Variants in RIBC2 observed in about 807,000 individuals in gnomAD.
RIBC2 encodes the protein RIB43A-like with coiled-coils protein 2.
A neutral mutation model predicts 44.3 loss-of-function variants in RIBC2; 40 were observed. The observed-to-expected ratio is 0.90, with a 90% CI of 0.70 to 1.18. The LOEUF is 1.18. Ranked by LOEUF, RIBC2 falls within the 50% of genes most tolerant of loss-of-function variation. The pLI, the probability that RIBC2 is intolerant of heterozygous loss-of-function variation, is 0.00. For missense variants in RIBC2, 459 were observed against 485.5 expected (o/e 0.95, Z 0.51); for synonymous variants, 171 against 175.0 (o/e 0.98, Z 0.18).
At chr22:45,426,713 A>T (rs916825751) in intron 5 of RIBC2, among the ~76,000 whole-genome samples, 1 of 152,092 alleles carries the variant, frequency 6.6e-6, no homozygotes, top group Admixed American at 6.6e-5. Context: ...GTTGAACAGG[A>T]TCCCCAGCGT....
chr22:45,426,062 G>A lies in RIBC2; in HGVS notation c.790G>A (p.Ala264Thr). The stretch of plus-strand genomic sequence containing the variant: ...CCTGCTCTCCGAGAACCCGCAGCAG[G>A]CAGCCAGCTCCTTCGGGCCCCACCG... ...GDLLSENPQQAASSFGPHRVV... is the reference protein window; with the variant it reads ...GDLLSENPQQTASSFGPHRVV... The change falls in exon 5 of 7, where the codon GCA becomes ACA. Residue 264 changes from alanine (A) to threonine (T), a missense_variant. Coordinates refer to ENST00000614167, the MANE Select transcript of RIBC2 (RefSeq NM_015653.5). The A allele has an allele frequency of 6.2e-7, 1 of 1,614,038 alleles. No individual in the cohort carries two copies. Among genetic ancestry groups the A allele is most frequent in the Non-Finnish European group, 8.5e-7 (1 of 1,180,014 alleles).
chr22:45,419,510 G>C (rs921259574), intron 3 of RIBC2, among the ~76,000 whole-genome samples: 1 of 152,078 alleles, frequency 6.6e-6, no homozygotes, highest in Non-Finnish European at 1.5e-5. Flanking sequence ...GAGGAGGAAA[G>C]ATCACTTGAA....
chr22:45,430,886 T>C lies in RIBC2; in HGVS notation c.904-14T>C, dbSNP rs1307989241. The C allele has an allele frequency of 1.5e-5, 23 of 1,560,828 alleles. No homozygotes were observed. Among genetic ancestry groups the C allele is most frequent in the East Asian group, 2.3e-5 (1 of 43,368 alleles). On this transcript the variant is annotated splice_polypyrimidine_tract_variant and intron_variant, in intron 5 of 6. Transcript: ENST00000614167. ...TGGGGAAAGGTGGTGGTGAGCCGCCTCTTTTCCTTCCAGAGGCTCCAGGAA... is the reference window on the plus strand; with the variant it reads ...TGGGGAAAGGTGGTGGTGAGCCGCCCCTTTTCCTTCCAGAGGCTCCAGGAA...
chr22:45,417,636 C>T lies in RIBC2; in HGVS notation c.246C>T (p.Cys82=), dbSNP rs778948087. ...TGAGGCAAAATGACAAAATCATGTG[C>T]ATATTGGAAAACCGGAAAAAGAGGG... is the stretch of plus-strand genomic sequence containing the variant. ...AEMRQNDKIM[C]ILENRKKRDR... The change falls in exon 3 of 7, where the codon TGC becomes TGT. Residue 82 remains cysteine (C), a synonymous_variant. Coordinates refer to ENST00000614167, the MANE Select transcript of RIBC2 (RefSeq NM_015653.5). 3.1e-6 allele frequency: 5 copies of T among 1,613,350 alleles called. No individual in the cohort carries two copies. The highest frequency in any genetic ancestry group is 4.2e-6 in the Non-Finnish European group (5 of 1,179,504).
Position 45,421,586 on chromosome 22 carries a change from A to T in RIBC2, c.557-704A>T, listed in dbSNP as rs1182666165. Among the ~76,000 whole-genome samples, 12 of 32,508 alleles carry T rather than the reference A, an allele frequency of 3.7e-4. No homozygotes were observed. The South Asian group carries it at 0.015, about 42-fold the overall frequency. The allele number at this position is 32,508 out of a possible 152,430, so 21.3% of individuals were successfully genotyped here. The stretch of plus-strand genomic sequence containing the variant: ...ATTATTAATAATAGTATTATTAATA[A>T]TAATAATAGTATTATTAATAATAAT... On this transcript the variant is annotated intron_variant, in intron 3 of 6. Coordinates refer to ENST00000614167, the MANE Select transcript of RIBC2 (RefSeq NM_015653.5).
At chr22:45,427,462 G>A (rs1480301634) in intron 5 of RIBC2, among the ~76,000 whole-genome samples, 2 of 152,226 alleles carry the variant, frequency 1.3e-5, no homozygotes, top group African/African-American at 2.4e-5. Flanking sequence ...ATTCCAGACA[G>A]TGAAGTGCTG....
At chr22:45,424,369 G>T (rs2087514012) in intron 4 of RIBC2, among the ~76,000 whole-genome samples, 1 of 127,278 alleles carries the variant, frequency 7.9e-6, no homozygotes, top group African/African-American at 3.6e-5. Context: ...TGGCACGCAG[G>T]CTCTGGAGCC....
Position 45,426,157 on chromosome 22 carries a change from G to A in RIBC2, c.885G>A (p.Gln295=). The change falls in exon 5 of 7, where the codon CAG becomes CAA. Residue 295 remains glutamine (Q), a synonymous_variant. Transcript: ENST00000614167. ...QLEQIRLVQK[Q]QIQEKLRLQE... ...AGCAGATCCGCCTAGTCCAGAAGCA[G>A]CAAATCCAGGAGAAGCTGGTGACTG... 6.2e-7 allele frequency: 1 copy of A among 1,613,640 alleles called. No individual in the cohort carries two copies. The highest frequency in any genetic ancestry group is 1.3e-5 in the African/African-American group (1 of 75,056).
At chr22:45,421,487 T>G (rs936679574) in intron 3 of RIBC2, among the ~76,000 whole-genome samples, 4 of 84,596 alleles carry the variant, frequency 4.7e-5, no homozygotes, top group African/African-American at 2.6e-4. Flanking sequence ...GATGTCTAAT[T>G]AATTATTATT....
intron 4 of RIBC2, among the ~76,000 whole-genome samples, chr22:45,423,008 G>T (rs28548574): frequency 3.1e-4 from 47 of 151,986 alleles, no homozygotes; most frequent in African/African-American, 1.0e-3. Flanking sequence ...TTGAGACAGG[G>T]TCTCACTCCA....
At position 45,414,022 on chromosome 22, in the gene RIBC2, GGGCAGGGGC is replaced by G. The variant is rs1569205654; in HGVS notation, c.129+8_129+16del. 1.9e-6 allele frequency: 3 copies of G among 1,551,440 alleles called. No individual in the cohort carries two copies. Among genetic ancestry groups the G allele is most frequent in the Admixed American group, 2.0e-5 (1 of 50,974 alleles). On this transcript the variant is annotated splice_region_variant and intron_variant, in intron 1 of 6. Coordinates refer to ENST00000614167, the MANE Select transcript of RIBC2 (RefSeq NM_015653.5). ...CAGAAACAGGATAATTGGGGTGAAAGGGCAGGGGCCGGGACGGGGTTAGAGCGGCAGATG... is the reference window on the plus strand; with the variant it reads ...CAGAAACAGGATAATTGGGGTGAAAGCGGGACGGGGTTAGAGCGGCAGATG...
intron 4 of RIBC2, among the ~76,000 whole-genome samples, chr22:45,424,807 G>A (rs1258596198): frequency 7.0e-6 from 1 of 143,454 alleles, no homozygotes; most frequent in Non-Finnish European, 1.5e-5. Flanking sequence ...AGCCTGGAGT[G>A]TGTAGTGGCG....
intron 6 of RIBC2, among the ~76,000 whole-genome samples, chr22:45,432,049 A>G (rs534322727): frequency 1.3e-5 from 2 of 152,168 alleles, no homozygotes; most frequent in Non-Finnish European, 2.9e-5. Flanking sequence ...TATGTCCCCA[A>G]ATGTTACTGG....
Position 45,426,113 on chromosome 22 carries a change from A to G in RIBC2, c.841A>G (p.Met281Val), listed in dbSNP as rs2087532235. ...CGTGGTCCCTGACCGCTGGAAGGGC[A>G]TGACCCAGGAGCAGCTGGAGCAGAT... Reference protein sequence around the residue: ...HRVVPDRWKGMTQEQLEQIRL... With the variant: ...HRVVPDRWKGVTQEQLEQIRL... Residue 281 changes from methionine to valine, a missense_variant, in exon 5 of 7, where the codon ATG becomes GTG. By Grantham distance (21) the Met-to-Val change is conservative (BLOSUM62 1). Coordinates refer to ENST00000614167, the MANE Select transcript of RIBC2 (RefSeq NM_015653.5). 2 of 1,614,030 alleles carry G rather than the reference A, an allele frequency of 1.2e-6. No homozygotes were observed. The highest frequency in any genetic ancestry group is 4.5e-5 in the East Asian group (2 of 44,888).
intron 4 of RIBC2, among the ~76,000 whole-genome samples, chr22:45,423,130 C>T (rs575874434): frequency 2.3e-4 from 35 of 151,998 alleles, no homozygotes; most frequent in Admixed American, 5.2e-4. Flanking sequence ...TACAGTCACG[C>T]GCCACCATGC....
intron 5 of RIBC2, among the ~76,000 whole-genome samples, chr22:45,427,563 G>C (rs2087544921): frequency 6.6e-6 from 1 of 152,236 alleles, no homozygotes; most frequent in African/African-American, 2.4e-5. Context: ...CCAGGAGGCA[G>C]CTGGATATGT....
intron 5 of RIBC2, 30 bp downstream of exon 5, chr22:45,426,205 C>A: frequency 6.3e-7 from 1 of 1,579,402 alleles, no homozygotes; most frequent in South Asian, 1.1e-5. Context: ...TTCCAGAGCC[C>A]ATAGAGCCAG....
In RIBC2 at chr22:45,425,989, A is replaced by G. The variant is rs1370806022; in HGVS notation, c.717A>G (p.Gln239=). ...SVERKKQEKK[Q]EQEDNLAEIT... The stretch of plus-strand genomic sequence containing the variant: ...AAAGGAAAAAGCAAGAGAAAAAGCA[A>G]GAACAAGAGGACAACTTGGCCGAGA... The change falls in exon 5 of 7, where the codon CAA becomes CAG. Residue 239 remains glutamine, a synonymous_variant. Coordinates refer to ENST00000614167, the MANE Select transcript of RIBC2 (RefSeq NM_015653.5). 9 of 1,613,918 alleles carry G rather than the reference A, an allele frequency of 5.6e-6. No homozygotes were observed. The highest frequency in any genetic ancestry group is 7.6e-6 in the Non-Finnish European group (9 of 1,180,004).
intron 5 of RIBC2, among the ~76,000 whole-genome samples, chr22:45,429,460 G>T (rs1475430822): frequency 6.6e-6 from 1 of 152,138 alleles, no homozygotes; most frequent in Admixed American, 6.5e-5. Flanking sequence ...GGGGTGGCAG[G>T]TGCCATAGTT....
Sources: allele counts gnomAD v4.1 joint callset (sites outside exome capture counted in the v4.1 genomes callset), GRCh38; gene constraint gnomAD v4.1.1; transcripts MANE v1.5; gene names NCBI Gene and HGNC (gene_info 2026-07-23, HGNC 2026-07-21).